TUSC3: variants seen among roughly 807,000 people sequenced by gnomAD.
The protein encoded by TUSC3 is dolichyl-diphosphooligosaccharide--protein glycosyltransferase subunit TUSC3.
TUSC3 carries 45 observed loss-of-function variants against 44.8 expected under a neutral mutation model. The observed-to-expected ratio is 1.00, with a 90% confidence interval of 0.79 to 1.29. TUSC3 has a LOEUF of 1.29. Among genes scored for constraint, TUSC3 ranks in the 50% most tolerant of loss-of-function variants. The probability of loss-of-function intolerance (pLI) is 0.00; values close to 1 mark genes in which losing one functional copy is unlikely to be tolerated. For synonymous variants in TUSC3, 212 were observed against 152.9 expected (o/e 1.39, Z -2.85); for missense variants, 519 against 437.9 (o/e 1.19, Z -1.65).
intron 6 of TUSC3, among the ~76,000 whole-genome samples, chr8:15,683,307 A>C (rs747964560): frequency 6.6e-6 from 1 of 152,056 alleles, no homozygotes. Context: ...GTTTTACACA[A>C]TCTCTTATTT....
chr8:15,736,778 T>G (rs1030501346), intron 7 of TUSC3, among the ~76,000 whole-genome samples: 2 of 152,144 alleles, frequency 1.3e-5, no homozygotes, highest in Non-Finnish European at 2.9e-5. Flanking sequence ...CATTTAAAAT[T>G]TTATTTAAAA....
chr8:15,540,677 C>A, intron 1 of TUSC3, 109 bp downstream of exon 1: 3 of 1,380,198 alleles, frequency 2.2e-6, no homozygotes, highest in Non-Finnish European at 1.9e-6. Context: ...CCGGCGTGGG[C>A]GATGCCGGCG....
intron 1 of TUSC3, among the ~76,000 whole-genome samples, chr8:15,425,776 CAG>C (rs1376566529): frequency 2.0e-5 from 3 of 152,210 alleles, no homozygotes; most frequent in South Asian, 2.1e-4. Flanking sequence ...CTGTGAAAAA[CAG>C]GGGTTATTCC....
intron 2 of TUSC3, among the ~76,000 whole-genome samples, chr8:15,492,280 A>C (rs937610796): frequency 6.6e-6 from 1 of 152,208 alleles, no homozygotes; most frequent in Non-Finnish European, 1.5e-5. Flanking sequence ...TGTTCTTTAA[A>C]GTCTTTCCTG....
the TUSC3 span, among the ~76,000 whole-genome samples, chr8:15,837,050 C>T: frequency 6.6e-6 from 1 of 152,022 alleles, no homozygotes; most frequent in Non-Finnish European, 1.5e-5. Flanking sequence ...GTTTGTCTGA[C>T]TGTAAGATTC....
chr8:15,571,959 T>C (rs1171114718), intron 1 of TUSC3, among the ~76,000 whole-genome samples: 1 of 152,180 alleles, frequency 6.6e-6, no homozygotes, highest in Admixed American at 6.5e-5. Flanking sequence ...CAGGCTTTCT[T>C]GTTCCATTTA....
intron 1 of TUSC3, among the ~76,000 whole-genome samples, chr8:15,482,815 A>G (rs188457677): frequency 6.6e-6 from 1 of 152,374 alleles, no homozygotes; most frequent in African/African-American, 2.4e-5. Context: ...CAGTAAACAT[A>G]CAATATTAAT....
chr8:15,852,025 A>G, the TUSC3 span, among the ~76,000 whole-genome samples: 1 of 152,096 alleles, frequency 6.6e-6, no homozygotes, highest in Admixed American at 6.5e-5. Context: ...GCCTTCCACC[A>G]TGATTATGAG....
At chr8:15,760,057 C>T (rs1487888997) in intron 10 of TUSC3, among the ~76,000 whole-genome samples, 1 of 152,084 alleles carries the variant, frequency 6.6e-6, no homozygotes, top group African/African-American at 2.4e-5. Context: ...GGTATCTAGT[C>T]ATTATCCCCC....
chr8:15,507,827 A>C (rs1801077854), intron 2 of TUSC3, among the ~76,000 whole-genome samples: 1 of 152,128 alleles, frequency 6.6e-6, no homozygotes, highest in South Asian at 2.1e-4. Flanking sequence ...AAAAAAGGCA[A>C]AGTGAACAAA....
intron 5 of TUSC3, among the ~76,000 whole-genome samples, chr8:15,669,784 A>G (rs1419844418): frequency 1.3e-5 from 2 of 151,776 alleles, no homozygotes; most frequent in Non-Finnish European, 2.9e-5. Context: ...GAATAATACA[A>G]GATGCCTGCT....
chr8:15,436,107 G>A (rs1464022031), intron 1 of TUSC3, among the ~76,000 whole-genome samples: 1 of 152,130 alleles, frequency 6.6e-6, no homozygotes, highest in African/African-American at 2.4e-5. Flanking sequence ...ATGGACTGGG[G>A]TCCTCAGTTC....
chr8:15,426,921 G>C (rs1176536999), intron 1 of TUSC3, among the ~76,000 whole-genome samples: 1 of 152,132 alleles, frequency 6.6e-6, no homozygotes, highest in Admixed American at 6.5e-5. Context: ...ACAGGTGTGA[G>C]GGAAAAGATA....
At position 15,483,278 on chromosome 8, in the gene TUSC3, A is replaced by G. The variant is rs534188228; in HGVS notation, n.92-108A>G. 4.8e-4 allele frequency: 89 copies of G among 184,102 alleles called. 1 individual carries two copies. The South Asian group carries it at 9.2e-3, about 19-fold the overall frequency. 11.4% of individuals were successfully genotyped at this position (184,102 alleles called of 1,614,324 possible). A position where few individuals can be genotyped will look rare whatever the true frequency, so the allele number is the denominator to read the frequency against. On this transcript the variant is annotated intron_variant and non_coding_transcript_variant, in intron 1 of 5. Coordinates refer to the TUSC3 transcript ENST00000503191. ...GCAACATGGGTTATTAGTTTTTTTA[A>G]AAATCCTCTAAGATGAAGAATAAAG...
intron 1 of TUSC3, among the ~76,000 whole-genome samples, chr8:15,547,910 A>T (rs1277428876): frequency 4.6e-5 from 7 of 151,838 alleles, no homozygotes; most frequent in African/African-American, 1.7e-4. Flanking sequence ...CAACATTTTC[A>T]TAATAATAAA....
intron 1 of TUSC3, among the ~76,000 whole-genome samples, chr8:15,610,869 C>T (rs1212041331): frequency 6.6e-6 from 1 of 152,026 alleles, no homozygotes; most frequent in Non-Finnish European, 1.5e-5. Context: ...GTGGATCTCT[C>T]CTCAGGGAAA....
intron 1 of TUSC3, among the ~76,000 whole-genome samples, chr8:15,612,227 A>C (rs1041526533): frequency 2.0e-5 from 3 of 152,160 alleles, no homozygotes; most frequent in African/African-American, 7.2e-5. Context: ...GTGACTGGTA[A>C]ACAAACACGT....
the TUSC3 span, among the ~76,000 whole-genome samples, chr8:15,818,188 C>G: frequency 6.6e-6 from 1 of 152,148 alleles, no homozygotes; most frequent in Non-Finnish European, 1.5e-5. Context: ...TAAAAGTTTT[C>G]CATTCTCAGT....
chr8:15,427,605 C>T (rs548486759), intron 1 of TUSC3, among the ~76,000 whole-genome samples: 23 of 152,240 alleles, frequency 1.5e-4, no homozygotes, highest in African/African-American at 5.3e-4. Context: ...TACTTTCCTT[C>T]CTTTCATTCC....
Sources: allele counts gnomAD v4.1 joint callset (sites outside exome capture counted in the v4.1 genomes callset), GRCh38; gene constraint gnomAD v4.1.1; transcripts MANE v1.5; gene names NCBI Gene and HGNC (gene_info 2026-07-23, HGNC 2026-07-21).